GALNT17: variants seen among roughly 807,000 people sequenced by gnomAD.
GALNT17 encodes polypeptide N-acetylgalactosaminyltransferase 17, also known as UDP-GalNAc:polypeptide N-acetylgalactosaminyltransferase-like 3.
Under a neutral mutation model 63.7 loss-of-function variants are expected in GALNT17, and 29 were observed. The ratio of observed to expected loss-of-function variants is 0.46; its 90% CI spans 0.34 to 0.62. GALNT17 has a LOEUF of 0.62. Ranked by LOEUF, GALNT17 falls within the 20% of genes least tolerant of loss-of-function variation. GALNT17 has a pLI of 0.01. For synonymous variants in GALNT17, 305 were observed against 318.3 expected, an observed-to-expected ratio of 0.96 and a Z score of 0.45; for missense variants, 603 against 799.6, an observed-to-expected ratio of 0.75 and a Z score of 2.97.
chr7:71,173,344 G>A (rs73361785), intron 1 of GALNT17, among the ~76,000 whole-genome samples: 1,990 of 152,292 alleles, frequency 0.013, 41 homozygotes, highest in African/African-American at 0.046. Flanking sequence ...ACTGGAGGCT[G>A]CATCTCTTGG....
chr7:71,547,123 C>G (rs562709134), intron 5 of GALNT17, among the ~76,000 whole-genome samples: 1 of 151,690 alleles, frequency 6.6e-6, no homozygotes, highest in Non-Finnish European at 1.5e-5. Flanking sequence ...TCCTGAGTAG[C>G]TGGAATTACA....
chr7:71,437,525 ACT>A (rs904102519), intron 5 of GALNT17, among the ~76,000 whole-genome samples: 1 of 152,094 alleles, frequency 6.6e-6, no homozygotes, highest in Non-Finnish European at 1.5e-5. Flanking sequence ...ACGGGATATC[ACT>A]CCCTAGTTGG....
chr7:71,411,451 G>A (rs945069166), intron 3 of GALNT17, among the ~76,000 whole-genome samples: 8 of 152,134 alleles, frequency 5.3e-5, no homozygotes, highest in African/African-American at 1.9e-4. Flanking sequence ...GTGTCAGGTT[G>A]GGGATTTGTG....
At chr7:71,499,426 A>T (rs547806583) in intron 5 of GALNT17, among the ~76,000 whole-genome samples, 1 of 152,320 alleles carries the variant, frequency 6.6e-6, no homozygotes, top group South Asian at 2.1e-4. Context: ...TCACATTTCT[A>T]ATCTCAGATG....
chr7:71,687,725 A>T lies in GALNT17; in HGVS notation c.1500+10419A>T, dbSNP rs576138198. ...GGGGGACTGAAGGCAGATACTTTTT[A>T]AAAATTTTTTTATTAATTAACTATA... On this transcript the variant is annotated intron_variant, in intron 9 of 10. Transcript: ENST00000333538. Among the ~76,000 whole-genome samples, 11 of 152,258 alleles carry T rather than the reference A, an allele frequency of 7.2e-5. No individual in the cohort carries two copies. The South Asian group carries it at 2.1e-3, about 29-fold the overall frequency.
intron 1 of GALNT17, among the ~76,000 whole-genome samples, chr7:71,229,325 G>T (rs1428676860): frequency 6.6e-6 from 1 of 152,224 alleles, no homozygotes; most frequent in African/African-American, 2.4e-5. Context: ...CCCCTGGGAG[G>T]CTCCTTCTGC....
rs151245714 is a variant in GALNT17 at position 71,498,693 on chromosome 7, A to G, written c.963-72592A>G. On this transcript the variant is annotated intron_variant, in intron 5 of 10. Transcript: ENST00000333538. ...AGATGGCTGGAATCAGAAGATCTGA[A>G]TATGACTGGGGACTGGGGAGTAGAG... Among the ~76,000 whole-genome samples, 1,007 of 152,286 alleles carry G rather than the reference A, an allele frequency of 6.6e-3. 9 individuals are homozygous for G. The highest frequency in any genetic ancestry group is 0.019 in the African/African-American group (796 of 41,562).
At chr7:71,165,464 A>G (rs1250151586) in intron 1 of GALNT17, among the ~76,000 whole-genome samples, 4 of 113,666 alleles carry the variant, frequency 3.5e-5, no homozygotes, top group Admixed American at 2.8e-4. Context: ...ATGGCGACAG[A>G]CAAGAGAAGA....
chr7:71,223,885 G>A (rs1789634239), intron 1 of GALNT17, among the ~76,000 whole-genome samples: 1 of 151,992 alleles, frequency 6.6e-6, no homozygotes, highest in Admixed American at 6.6e-5. Flanking sequence ...TTCTGCAAAG[G>A]ACATGATCTC....
At chr7:71,412,073 C>T (rs1402196623) in intron 3 of GALNT17, among the ~76,000 whole-genome samples, 1 of 152,140 alleles carries the variant, frequency 6.6e-6, no homozygotes, top group African/African-American at 2.4e-5. Flanking sequence ...CCTTGGAGTC[C>T]CGTCTGTACC....
chr7:71,609,135 T>G (rs1313947909), intron 6 of GALNT17, among the ~76,000 whole-genome samples: 3 of 152,194 alleles, frequency 2.0e-5, no homozygotes, highest in South Asian at 2.1e-4. Flanking sequence ...TGTCTAAGTC[T>G]TCTCACTCAG....
chr7:71,429,652 C>G lies in GALNT17; in HGVS notation c.962+8547C>G, dbSNP rs563345383. Among the ~76,000 whole-genome samples the G allele has an allele frequency of 2.0e-5, 3 of 152,340 alleles. No individual in the cohort carries two copies. In the East Asian group the frequency reaches 5.8e-4, roughly 29 times the overall value. ...CCAACTCCTGGGCTCAAGCGATACTCCTGCCTCAGCCTCCAGCGGAGCTGG... is the reference window on the plus strand; with the variant it reads ...CCAACTCCTGGGCTCAAGCGATACTGCTGCCTCAGCCTCCAGCGGAGCTGG... On this transcript the variant is annotated intron_variant, in intron 5 of 10. Transcript: ENST00000333538.
intron 5 of GALNT17, among the ~76,000 whole-genome samples, chr7:71,565,078 C>T (rs1333970939): frequency 1.3e-5 from 2 of 152,156 alleles, no homozygotes; most frequent in Non-Finnish European, 2.9e-5. Context: ...ACCAGCCTGG[C>T]CAACATGGTG....
At chr7:71,198,180 C>T (rs1395770158) in intron 1 of GALNT17, among the ~76,000 whole-genome samples, 1 of 142,256 alleles carries the variant, frequency 7.0e-6, no homozygotes, top group South Asian at 2.3e-4. Context: ...CCTGGGTGAC[C>T]GAGCGAGACT....
At chr7:71,581,198 C>T (rs1789630919) in intron 6 of GALNT17, among the ~76,000 whole-genome samples, 1 of 152,134 alleles carries the variant, frequency 6.6e-6, no homozygotes, top group South Asian at 2.1e-4. Flanking sequence ...CTCGCCCTGT[C>T]ACCCAGGCTG....
intron 5 of GALNT17, among the ~76,000 whole-genome samples, chr7:71,523,368 G>A (rs1382916183): frequency 6.6e-6 from 1 of 152,212 alleles, no homozygotes; most frequent in Non-Finnish European, 1.5e-5. Context: ...GGCAGAGGCT[G>A]TGGTGAGCTG....
chr7:71,375,706 C>T (rs1359422946), intron 2 of GALNT17, among the ~76,000 whole-genome samples: 1 of 152,206 alleles, frequency 6.6e-6, no homozygotes, highest in East Asian at 1.9e-4. Context: ...AGGCATGAGC[C>T]ACTGCCCCCA....
rs1478690104 is a variant in GALNT17 at position 71,524,260 on chromosome 7, TTA to T, written c.963-47018_963-47017del. Among the ~76,000 whole-genome samples the T allele has an allele frequency of 2.8e-4, 42 of 147,616 alleles. No homozygotes were observed. The South Asian group carries it at 8.8e-3, about 31-fold the overall frequency. ...ATATATAATAATAATATATATTATA[TTA>T]TATATAATTATATATTATCATATTA... On this transcript the variant is annotated intron_variant, in intron 5 of 10. Transcript: ENST00000333538.
At chr7:71,604,248 C>A (rs886253953) in intron 6 of GALNT17, among the ~76,000 whole-genome samples, 1 of 120,304 alleles carries the variant, frequency 8.3e-6, no homozygotes, top group African/African-American at 2.7e-5. Context: ...ATGCTAAGTG[C>A]GTATACGAGG....
Sources: allele counts gnomAD v4.1 joint callset (sites outside exome capture counted in the v4.1 genomes callset), GRCh38; gene constraint gnomAD v4.1.1; transcripts MANE v1.5; gene names NCBI Gene and HGNC (gene_info 2026-07-23, HGNC 2026-07-21).